The following PRKACB variants were observed in gnomAD, a reference collection of about 807,000 sequenced individuals.
PRKACB encodes the protein protein kinase cAMP-activated catalytic subunit beta.
A neutral mutation model predicts 51.4 loss-of-function variants in PRKACB; 16 were observed. That is an observed-to-expected ratio of 0.31 (90% CI 0.21 to 0.47). PRKACB has a LOEUF of 0.47. Among genes scored for constraint, PRKACB ranks in the 20% least tolerant of loss-of-function variants. PRKACB has a pLI of 1.00. For synonymous variants in PRKACB, 147 were observed against 154.4 expected, an observed-to-expected ratio of 0.95 and a Z score of 0.35; for missense variants, 309 against 464.5, an observed-to-expected ratio of 0.67 and a Z score of 3.08.
intron 8 of PRKACB, among the ~76,000 whole-genome samples, chr1:84,206,545 C>G (rs1671370841): frequency 6.6e-6 from 1 of 152,174 alleles, no homozygotes; most frequent in Admixed American, 6.5e-5. Context: ...AGGGCATTCA[C>G]AAGGGATGCA....
intron 9 of PRKACB, among the ~76,000 whole-genome samples, chr1:84,229,966 G>A (rs527796042): frequency 0.019 from 2,925 of 150,318 alleles, 97 homozygotes; most frequent in African/African-American, 0.067. Flanking sequence ...TTTGGCTTTT[G>A]TTGCCATTGC....
At chr1:84,098,517 G>A (rs995858046) in intron 1 of PRKACB, among the ~76,000 whole-genome samples, 1 of 152,054 alleles carries the variant, frequency 6.6e-6, no homozygotes, top group Non-Finnish European at 1.5e-5. Context: ...TATCAGTTGT[G>A]AGGAAGAATT....
At chr1:84,135,742 T>G (rs1652737924) in intron 1 of PRKACB, among the ~76,000 whole-genome samples, 1 of 152,242 alleles carries the variant, frequency 6.6e-6, no homozygotes, top group Middle Eastern at 3.4e-3. Flanking sequence ...TTATCAATTT[T>G]TTTTTGCAAT....
chr1:84,229,196 C>T (rs1332035170), intron 9 of PRKACB, among the ~76,000 whole-genome samples: 166 of 133,346 alleles, frequency 1.2e-3, no homozygotes, highest in African/African-American at 2.3e-3. Flanking sequence ...GTTTTTTGTT[C>T]TTGCGATAGT....
At chr1:84,150,375 T>C (rs1654698978) in intron 1 of PRKACB, among the ~76,000 whole-genome samples, 1 of 152,176 alleles carries the variant, frequency 6.6e-6, no homozygotes, top group Non-Finnish European at 1.5e-5. Context: ...ATTAAAAATA[T>C]AATGGCCCAT....
chr1:84,089,341 A>T (rs74534156), intron 1 of PRKACB, among the ~76,000 whole-genome samples: 128 of 152,286 alleles, frequency 8.4e-4, no homozygotes, highest in Admixed American at 1.7e-3. Context: ...TATGGTATAT[A>T]GTAACTTCTT....
intron 9 of PRKACB, among the ~76,000 whole-genome samples, chr1:84,231,700 T>C (rs1675691307): frequency 6.6e-6 from 1 of 152,156 alleles, no homozygotes; most frequent in African/African-American, 2.4e-5. Flanking sequence ...TTTTCTAGTT[T>C]ATTTGCGTAG....
At chr1:84,169,251 C>CA in intron 1 of PRKACB, among the ~76,000 whole-genome samples, 1 of 151,392 alleles carries the variant, frequency 6.6e-6, no homozygotes, top group East Asian at 1.9e-4. Context: ...AGTATAAACA[C>CA]AAAAAATTAT....
At chr1:84,119,579 G>C (rs114388139) in intron 1 of PRKACB, among the ~76,000 whole-genome samples, 3,023 of 151,964 alleles carry the variant, frequency 0.02, 108 homozygotes, top group African/African-American at 0.069. Context: ...CCATCAGCCC[G>C]TATATCAATT....
chr1:84,165,679 T>G (rs1173786159), intron 1 of PRKACB, among the ~76,000 whole-genome samples: 1 of 151,678 alleles, frequency 6.6e-6, no homozygotes, highest in East Asian at 1.9e-4. Context: ...TCCAAAACTG[T>G]TTTTTTGAAA....
At chr1:84,193,538 C>T (rs1007553079) in intron 5 of PRKACB, among the ~76,000 whole-genome samples, 2 of 152,104 alleles carry the variant, frequency 1.3e-5, no homozygotes, top group Admixed American at 6.6e-5. Context: ...AGAAGTTTTA[C>T]GTTTTGGGAC....
chr1:84,219,622 T>C (rs977954796), intron 9 of PRKACB, among the ~76,000 whole-genome samples: 2 of 151,262 alleles, frequency 1.3e-5, no homozygotes, highest in Non-Finnish European at 2.9e-5. Flanking sequence ...TTGAGTGATT[T>C]GGGGATATGG....
chr1:84,172,069 A>C (rs1659692680), intron 1 of PRKACB, among the ~76,000 whole-genome samples: 1 of 151,602 alleles, frequency 6.6e-6, no homozygotes, highest in Admixed American at 6.6e-5. Context: ...AGATTAGCAA[A>C]AAATGGAAAG....
chr1:84,146,385 A>G (rs1475575687), intron 1 of PRKACB, among the ~76,000 whole-genome samples: 6 of 151,974 alleles, frequency 3.9e-5, no homozygotes, highest in Non-Finnish European at 5.9e-5. Flanking sequence ...ATAATTTCCT[A>G]TTATGAAATG....
chr1:84,085,716 A>T, intron 1 of PRKACB: 1 of 221,382 alleles, frequency 4.5e-6, no homozygotes, highest in Non-Finnish European at 9.0e-6. Flanking sequence ...TGGGCTGTGC[A>T]TCCCTCTGCT....
At chr1:84,176,604 GA>G (rs66916276) in intron 1 of PRKACB, among the ~76,000 whole-genome samples, 65,481 of 151,028 alleles carry the variant, frequency 0.43, 15,870 homozygotes, top group Non-Finnish European at 0.56. Context: ...ATTTTTATAT[GA>G]AAAAAAATGT....
intron 2 of PRKACB, among the ~76,000 whole-genome samples, chr1:84,180,594 A>C (rs950818517): frequency 6.6e-6 from 1 of 152,184 alleles, no homozygotes; most frequent in South Asian, 2.1e-4. Flanking sequence ...AAAAGATATT[A>C]TAACCAAAAA....
chr1:84,124,359 T>C (rs1651369139), intron 1 of PRKACB, among the ~76,000 whole-genome samples: 2 of 152,232 alleles, frequency 1.3e-5, no homozygotes, highest in African/African-American at 4.8e-5. Context: ...GATTTTTGAC[T>C]ACTGGTTTAC....
chr1:84,232,379 G>GA (rs928565291), intron 9 of PRKACB, among the ~76,000 whole-genome samples: 54 of 152,196 alleles, frequency 3.5e-4, no homozygotes, highest in African/African-American at 1.2e-3. Context: ...GTGTGGTGCT[G>GA]AAAAAAATGT....
Sources: allele counts gnomAD v4.1 joint callset (sites outside exome capture counted in the v4.1 genomes callset), GRCh38; gene constraint gnomAD v4.1.1; transcripts MANE v1.5; gene names NCBI Gene and HGNC (gene_info 2026-07-23, HGNC 2026-07-21).